GALNT13: variants seen among roughly 807,000 people sequenced by gnomAD.
GALNT13 encodes polypeptide N-acetylgalactosaminyltransferase 13.
A neutral mutation model predicts 64.2 loss-of-function variants in GALNT13; 28 were observed. The ratio of observed to expected loss-of-function variants is 0.44; its 90% CI spans 0.32 to 0.60. The LOEUF (loss-of-function observed/expected upper bound fraction) is 0.60. Among genes scored for constraint, GALNT13 ranks in the 20% least tolerant of loss-of-function variants. The pLI, the probability that GALNT13 is intolerant of heterozygous loss-of-function variation, is 0.05. For missense variants in GALNT13, 577 were observed against 669.8 expected (o/e 0.86, Z 1.53); for synonymous variants, 214 against 224.6 (o/e 0.95, Z 0.42).
chr2:153,117,119 A>T, the GALNT13 span, among the ~76,000 whole-genome samples: 2 of 151,992 alleles, frequency 1.3e-5, no homozygotes, highest in African/African-American at 4.8e-5. Context: ...TCTTCTTTTT[A>T]AGAAAAACCA....
chr2:154,286,976 CAGT>C (rs1224166766), intron 8 of GALNT13: 2 of 562,466 alleles, frequency 3.6e-6, no homozygotes, highest in Non-Finnish European at 6.6e-6. Flanking sequence ...ACCCTCAAGT[CAGT>C]GGTGGCTCAC....
chr2:153,368,043 A>G, the GALNT13 span, among the ~76,000 whole-genome samples: 1 of 152,240 alleles, frequency 6.6e-6, no homozygotes, highest in South Asian at 2.1e-4. Flanking sequence ...ACCAAATCAT[A>G]ATATGTCTAT....
chr2:153,089,608 A>C, the GALNT13 span, among the ~76,000 whole-genome samples: 1 of 151,964 alleles, frequency 6.6e-6, no homozygotes, highest in East Asian at 1.9e-4. Context: ...CAGGAACACC[A>C]ATTATTCTTT....
chr2:153,447,334 G>C, the GALNT13 span, among the ~76,000 whole-genome samples: 1 of 152,158 alleles, frequency 6.6e-6, no homozygotes, highest in Non-Finnish European at 1.5e-5. Flanking sequence ...CTCCAAAACT[G>C]CTAGACCAAG....
the GALNT13 span, among the ~76,000 whole-genome samples, chr2:153,301,911 G>GTGTGTGTA: frequency 6.8e-6 from 1 of 147,404 alleles, no homozygotes; most frequent in African/African-American, 2.5e-5. Flanking sequence ...GTGTGTGTGT[G>GTGTGTGTA]TATAGTATAT....
At chr2:153,523,041 C>CTGTTTTTTTTTTTTTTTTTTTTTT in the GALNT13 span, among the ~76,000 whole-genome samples, 2 of 74,778 alleles carry the variant, frequency 2.7e-5, no homozygotes, top group African/African-American at 1.5e-4. Context: ...TCTGTGTTTA[C>CTGTTTTTTTTTTTTTTTTTTTTTT]TATTTTTTTT....
the GALNT13 span, among the ~76,000 whole-genome samples, chr2:153,594,196 A>G: frequency 7.9e-5 from 12 of 152,240 alleles, no homozygotes; most frequent in Middle Eastern, 3.4e-3. Context: ...ATGCTCTCTT[A>G]TATACACAGC....
intron 8 of GALNT13, among the ~76,000 whole-genome samples, chr2:154,298,220 GATA>G (rs1693045206): frequency 6.6e-6 from 1 of 151,316 alleles, no homozygotes; most frequent in Non-Finnish European, 1.5e-5. Context: ...CAGTCAACAA[GATA>G]ATAAATGCAT....
chr2:154,400,893 T>C (rs1223484289), intron 10 of GALNT13, among the ~76,000 whole-genome samples: 4 of 151,848 alleles, frequency 2.6e-5, no homozygotes, highest in Admixed American at 2.0e-4. Flanking sequence ...TAAAATAGAA[T>C]GTCTCAGCCC....
At chr2:153,286,760 A>G in the GALNT13 span, among the ~76,000 whole-genome samples, 472 of 152,320 alleles carry the variant, frequency 3.1e-3, 1 homozygote, top group African/African-American at 0.011. Context: ...TGCAAATGAC[A>G]CTTATGTGTA....
intron 3 of GALNT13, among the ~76,000 whole-genome samples, chr2:154,071,637 G>A (rs1015984259): frequency 2.0e-5 from 3 of 152,112 alleles, no homozygotes; most frequent in Non-Finnish European, 4.4e-5. Flanking sequence ...CTCATGGTGT[G>A]TTTGCTGTAA....
At chr2:153,218,368 C>T in the GALNT13 span, among the ~76,000 whole-genome samples, 1 of 152,184 alleles carries the variant, frequency 6.6e-6, no homozygotes, top group East Asian at 1.9e-4. Context: ...TGATCCTTTT[C>T]TGGTTATTTT....
intron 9 of GALNT13, among the ~76,000 whole-genome samples, chr2:154,303,438 A>G (rs943876096): frequency 2.0e-5 from 3 of 152,130 alleles, no homozygotes; most frequent in Non-Finnish European, 4.4e-5. Flanking sequence ...TATGGCTGCC[A>G]AAGAGAAAAG....
chr2:153,984,272 A>G (rs897123717), intron 3 of GALNT13, among the ~76,000 whole-genome samples: 2 of 151,752 alleles, frequency 1.3e-5, no homozygotes, highest in African/African-American at 4.8e-5. Flanking sequence ...ATAATTGACT[A>G]GATTATTGGC....
the GALNT13 span, among the ~76,000 whole-genome samples, chr2:153,086,892 C>T: frequency 9.9e-4 from 151 of 152,022 alleles, no homozygotes; most frequent in African/African-American, 3.4e-3. Context: ...GATGAGTCTT[C>T]TGGGTTTTCT....
At chr2:153,915,549 C>G (rs944052208) in intron 2 of GALNT13, among the ~76,000 whole-genome samples, 1 of 152,144 alleles carries the variant, frequency 6.6e-6, no homozygotes, top group Non-Finnish European at 1.5e-5. Flanking sequence ...TGTCCTGTCA[C>G]TCCTCAGAGT....
the GALNT13 span, among the ~76,000 whole-genome samples, chr2:153,772,244 T>C: frequency 1.3e-5 from 2 of 152,234 alleles, no homozygotes; most frequent in African/African-American, 4.8e-5. Context: ...ACTGATGTTC[T>C]ATAAGCCTGA....
chr2:153,861,533 TTTTTCTC>T, the GALNT13 span, among the ~76,000 whole-genome samples: 1 of 151,566 alleles, frequency 6.6e-6, no homozygotes, highest in Non-Finnish European at 1.5e-5. Context: ...AAAAGCTGAT[TTTTTCTC>T]TTTTCTTTTT....
intron 9 of GALNT13, among the ~76,000 whole-genome samples, chr2:154,360,511 G>T (rs7606367): frequency 6.6e-6 from 1 of 152,144 alleles, no homozygotes. Flanking sequence ...TCCCAGTATA[G>T]GGTGCTGCTT....
Sources: gnomAD v4.1 joint callset for allele counts (sites outside exome capture counted in the v4.1 genomes callset) on GRCh38, gnomAD v4.1.1 for gene constraint, MANE v1.5 for transcripts, NCBI Gene and HGNC (gene_info 2026-07-23, HGNC 2026-07-21) for gene names.